MSL1: variants seen among roughly 807,000 people sequenced by gnomAD.
The protein encoded by MSL1 is MSL complex subunit 1, also known as male-specific lethal 1 homolog.
MSL1 carries 21 observed loss-of-function variants against 64.6 expected under a neutral mutation model. The observed-to-expected ratio is 0.33, with a 90% CI of 0.23 to 0.47. The LOEUF is 0.47. Ranked by LOEUF, MSL1 falls within the 20% of genes least tolerant of loss-of-function variation. The pLI, the probability that MSL1 is intolerant of heterozygous loss-of-function variation, is 1.00. For missense variants in MSL1, 664 were observed against 793.2 expected (o/e 0.84, Z 1.96); for synonymous variants, 339 against 329.6 (o/e 1.03, Z -0.31).
chr17:40,129,339 C>T lies in MSL1; in HGVS notation c.1087C>T (p.Pro363Ser), dbSNP rs768482921. Residue 363 changes from proline to serine, a missense_variant, in exon 3 of 9, where the codon CCT becomes TCT. Pro to Ser is a moderately conservative substitution (Grantham distance 74, BLOSUM62 -1). Coordinates refer to ENST00000398532, the MANE Select transcript of MSL1 (RefSeq NM_001365919.1). ...KVKTKTPKHS[P>S]IKEEPCGSLS... ...CAAAACAAAAACTCCTAAGCACTCT[C>T]CTATTAAAGAGGAACCCTGTGGTTC... is the stretch of plus-strand genomic sequence containing the variant. The T allele has an allele frequency of 6.2e-6, 10 of 1,611,192 alleles. No homozygotes were observed. In the Admixed American group the frequency reaches 1.4e-4, roughly 22 times the overall value.
At chr17:40,126,651 A>G (rs1249717473) in intron 2 of MSL1, 9 of 424,142 alleles carry the variant, frequency 2.1e-5, no homozygotes, top group Middle Eastern at 6.6e-4. Flanking sequence ...TACTAAAAAT[A>G]TAAAAAATTA....
At chr17:40,126,868 T>TG (rs1414586463) in intron 2 of MSL1, 30 of 159,746 alleles carry the variant, frequency 1.9e-4, no homozygotes, top group Admixed American at 5.4e-4. Context: ...TTATGCAGAC[T>TG]GTAAAAGTCT....
At chr17:40,124,341 CTTCCTCCCTCCCTG>C (rs1373697377) in intron 1 of MSL1, among the ~76,000 whole-genome samples, 1 of 151,838 alleles carries the variant, frequency 6.6e-6, no homozygotes, top group East Asian at 1.9e-4. Flanking sequence ...CTCCCTCCCT[CTTCCTCCCTCCCTG>C]TCTCTTTCCC....
chr17:40,130,598 G>A (rs768516760), intron 3 of MSL1, among the ~76,000 whole-genome samples: 1 of 152,202 alleles, frequency 6.6e-6, no homozygotes, highest in Admixed American at 6.5e-5. Context: ...ATTCCAGTGA[G>A]ACAAGAGCGT....
rs777023910 is a variant in MSL1, at chr17:40,133,558, A to G, written c.1581A>G (p.Glu527=). 2 of 1,611,834 alleles carry G rather than the reference A, an allele frequency of 1.2e-6. 1 individual carries two copies. Among genetic ancestry groups the G allele is most frequent in the South Asian group, 2.2e-5 (2 of 90,746 alleles). ...RKRWDIQRIR[E]QRILQRLQLR... is the part of the protein sequence containing the mutation. ...GATGGGATATTCAGAGGATCAGGGAACAAAGAATTTTACAGCGACTGCAGC... is the reference window on the plus strand; with the variant it reads ...GATGGGATATTCAGAGGATCAGGGAGCAAAGAATTTTACAGCGACTGCAGC... Residue 527 remains glutamate (E), a synonymous_variant, in exon 7 of 9, where the codon GAA becomes GAG. Transcript: ENST00000398532.
chr17:40,123,780 A>AG (rs1988250353), intron 1 of MSL1, among the ~76,000 whole-genome samples: 1 of 152,108 alleles, frequency 6.6e-6, no homozygotes, highest in Admixed American at 6.6e-5. Context: ...GGTGGAGGAG[A>AG]GGGCTGTAGC....
Position 40,122,880 on chromosome 17 carries a change from G to C in MSL1, c.268G>C (p.Gly90Arg). ...GTTACTCCCGGCCGGGGCGGCCCCC[G>C]GGCAGCAGGAAGAGAGCTGGGGCGG... ...GLLLPAGAAP[G>R]QQEESWGGSV... Residue 90 changes from glycine to arginine, a missense_variant, in exon 1 of 9, where the codon GGG becomes CGG. Gly to Arg is a moderately radical substitution (Grantham distance 125, BLOSUM62 -2). This residue lies in a region of MSL1 where 466 missense variants were observed against 499.0 expected (regional missense o/e 0.93). Coordinates refer to ENST00000398532, the MANE Select transcript of MSL1 (RefSeq NM_001365919.1). This position sits in a 1 kb window ranked among gnomAD's most constrained non-coding sequence, Gnocchi z 4.2. 1 of 1,406,334 alleles carries C rather than the reference G, an allele frequency of 7.1e-7. No individual in the cohort carries two copies. The highest frequency in any genetic ancestry group is 9.2e-7 in the Non-Finnish European group (1 of 1,089,618). The allele number at this position is 1,406,334 out of a possible 1,614,324, so 87.1% of individuals were successfully genotyped here. A position where few individuals can be genotyped will look rare whatever the true frequency, so the allele number is the denominator to read the frequency against.
At chr17:40,127,497 T>G (rs1351585598) in intron 2 of MSL1, among the ~76,000 whole-genome samples, 1 of 152,204 alleles carries the variant, frequency 6.6e-6, no homozygotes, top group Non-Finnish European at 1.5e-5. Flanking sequence ...TTTTGTTTGT[T>G]TGAGATAGGG....
intron 1 of MSL1, among the ~76,000 whole-genome samples, chr17:40,124,341 C>T (rs1370804466): frequency 2.0e-5 from 3 of 151,838 alleles, no homozygotes; most frequent in Admixed American, 6.6e-5. Flanking sequence ...CTCCCTCCCT[C>T]TTCCTCCCTC....
At chr17:40,129,649 C>T in intron 3 of MSL1, 22 bp downstream of exon 3, 1 of 1,543,744 alleles carries the variant, frequency 6.5e-7, no homozygotes, top group Non-Finnish European at 8.7e-7. Flanking sequence ...AGAACACTTG[C>T]TCTTATACCC....
chr17:40,125,436 T>A (rs1469943683), intron 1 of MSL1, among the ~76,000 whole-genome samples: 1 of 152,218 alleles, frequency 6.6e-6, no homozygotes, highest in Non-Finnish European at 1.5e-5. Flanking sequence ...CTTCTCAATG[T>A]ACTGTTTGCA....
At chr17:40,129,650 T>C (rs959220704) in intron 3 of MSL1, 23 bp downstream of exon 3, 31 of 1,544,262 alleles carry the variant, frequency 2.0e-5, no homozygotes, top group Non-Finnish European at 2.7e-5. Flanking sequence ...GAACACTTGC[T>C]CTTATACCCT....
chr17:40,123,750 C>A (rs1988249490), intron 1 of MSL1, among the ~76,000 whole-genome samples: 1 of 152,142 alleles, frequency 6.6e-6, no homozygotes, highest in Non-Finnish European at 1.5e-5. Context: ...AATTAAAGAG[C>A]TATTGCGTTA....
At chr17:40,124,047 A>G (rs889280730) in intron 1 of MSL1, among the ~76,000 whole-genome samples, 6 of 152,176 alleles carry the variant, frequency 3.9e-5, no homozygotes, top group Non-Finnish European at 8.8e-5. Flanking sequence ...GGGGAAAGTA[A>G]GCTTATTAAA....
intron 6 of MSL1, 154 bp downstream of exon 6, chr17:40,133,263 T>G (rs1412865968): frequency 2.6e-6 from 2 of 776,722 alleles, no homozygotes; most frequent in African/African-American, 3.5e-5. Flanking sequence ...AATATCTTAG[T>G]TGGAAATGGT....
intron 1 of MSL1, among the ~76,000 whole-genome samples, chr17:40,125,647 C>G (rs1988296629): frequency 6.6e-6 from 1 of 152,130 alleles, no homozygotes; most frequent in East Asian, 1.9e-4. Context: ...CCTGTCTCTA[C>G]TAAAAATACA....
At position 40,136,454 on chromosome 17, in the gene MSL1, C is replaced by A. The variant is rs774718302; in HGVS notation, c.*2085C>A. 2 of 152,312 alleles carry A rather than the reference C, an allele frequency of 1.3e-5. No homozygotes were observed. Among genetic ancestry groups the A allele is most frequent in the African/African-American group, 2.4e-5 (1 of 41,450 alleles). 9.4% of individuals were successfully genotyped at this position (152,312 alleles called of 1,614,324 possible). A position where few individuals can be genotyped will look rare whatever the true frequency, so the allele number is the denominator to read the frequency against. On this transcript the variant is annotated 3_prime_UTR_variant, in exon 9 of 9. Transcript: ENST00000398532. ...GGTTGGACAGTAGATTAGCAAAGTT[C>A]CAAGTGCAAAATTACAGTGTGTTAG...
At position 40,122,395 on chromosome 17, in the gene MSL1, T is replaced by G. The variant is rs2145123429; in HGVS notation, c.-218T>G. The G allele has an allele frequency of 6.4e-6, 2 of 310,462 alleles. No individual in the cohort carries two copies. Among genetic ancestry groups the G allele is most frequent in the African/African-American group, 2.2e-5 (1 of 44,700 alleles). The allele number at this position is 310,462 out of a possible 1,614,324, so 19.2% of individuals were successfully genotyped here. A position where few individuals can be genotyped will look rare whatever the true frequency, so the allele number is the denominator to read the frequency against. On this transcript the variant is annotated 5_prime_UTR_variant, in exon 1 of 9. It removes an upstream start codon present in the reference 5' UTR. Transcript: ENST00000398532. The surrounding 1 kb of genome is among the most constrained non-coding windows in gnomAD (Gnocchi z 4.2). Reference sequence around the variant, plus strand: ...AGCAGAGGCGGCGGCGAGGCCCCCATGGGCCGGCGGCGGGCCTCAGCCGCG... The same window carrying G: ...AGCAGAGGCGGCGGCGAGGCCCCCAGGGGCCGGCGGCGGGCCTCAGCCGCG...
At chr17:40,127,383 C>T (rs1008366286) in intron 2 of MSL1, among the ~76,000 whole-genome samples, 8 of 150,136 alleles carry the variant, frequency 5.3e-5, no homozygotes, top group South Asian at 2.1e-4. Flanking sequence ...TCCTTGGACT[C>T]AAAGAAATTA....
Sources: allele counts gnomAD v4.1 joint callset (sites outside exome capture counted in the v4.1 genomes callset), GRCh38; gene constraint gnomAD v4.1.1; regional missense constraint gnomAD v4.1.1; non-coding constraint Gnocchi (gnomAD v3.1); transcripts MANE v1.5; gene names NCBI Gene and HGNC (gene_info 2026-07-23, HGNC 2026-07-21).